The following TTF1 variants were observed in gnomAD, a reference collection of about 807,000 sequenced individuals.
TTF1 encodes transcription termination factor 1, also known as transcription termination factor, RNA polymerase I.
In TTF1, 64 loss-of-function variants were observed where a neutral mutation model predicts 80.2. The ratio of observed to expected loss-of-function variants is 0.80; its 90% CI spans 0.65 to 0.98. The LOEUF (loss-of-function observed/expected upper bound fraction) is 0.98, where lower values mean the gene tolerates loss of function less well. Among genes scored for constraint, TTF1 ranks in the 50% least tolerant of loss-of-function variants. The pLI is 0.00. For missense variants in TTF1, 1,023 were observed against 1,086.2 expected (o/e 0.94, Z 0.82); for synonymous variants, 372 against 382.7 (o/e 0.97, Z 0.33).
intron 1 of TTF1, among the ~76,000 whole-genome samples, chr9:132,403,148 C>T (rs1204434377): frequency 6.6e-6 from 1 of 152,180 alleles, no homozygotes; most frequent in Admixed American, 6.5e-5. Context: ...CGTCAGCCAC[C>T]GTGCCTGGCC....
At chr9:132,393,903 G>A (rs1849602120) in intron 5 of TTF1, among the ~76,000 whole-genome samples, 2 of 151,762 alleles carry the variant, frequency 1.3e-5, no homozygotes, top group African/African-American at 2.4e-5. Context: ...TCACTAAGAA[G>A]TCCTAAAAAA....
rs557398160 is a variant in TTF1, at chr9:132,397,629, T to C, written c.1777+512A>G. Among the ~76,000 whole-genome samples, 100 of 152,268 alleles carry C rather than the reference T, an allele frequency of 6.6e-4. No individual in the cohort carries two copies. The South Asian group carries it at 7.1e-3, about 11-fold the overall frequency. On this transcript the variant is annotated intron_variant, in intron 4 of 10. Coordinates refer to ENST00000334270, the MANE Select transcript of TTF1 (RefSeq NM_007344.4). ...AAAGGTAAAAGTTGATCATTTAATT[T>C]TTCACCCTAAACTTGGGAGACATGA...
At chr9:132,394,303 G>A (rs763020327) in intron 5 of TTF1, among the ~76,000 whole-genome samples, 23 of 149,860 alleles carry the variant, frequency 1.5e-4, no homozygotes, top group Admixed American at 7.3e-4. Context: ...TTTTTGAGGC[G>A]GAGTCTTGCT....
At chr9:132,378,681 GGT>G (rs1424875285) in intron 10 of TTF1, among the ~76,000 whole-genome samples, 9 of 145,798 alleles carry the variant, frequency 6.2e-5, no homozygotes, top group Admixed American at 5.4e-4. Flanking sequence ...GCATGCATGT[GGT>G]GTGTGTGAGT....
In TTF1 at chr9:132,402,152, T is replaced by C; in HGVS notation, c.670A>G (p.Lys224Glu). The change falls in exon 2 of 11, where the codon AAA becomes GAA. Residue 224 changes from lysine to glutamate, a missense_variant. Physicochemically the swap from Lys to Glu is moderately conservative, Grantham distance 56. Coordinates refer to ENST00000334270, the MANE Select transcript of TTF1 (RefSeq NM_007344.4). ...AHKNKSKKKK[K>E]KSSNREYETL... is the part of the protein sequence containing the mutation. ...TCATATTCCCGGTTACTGGACTTTT[T>C]CTTTTTTTTCTTAGACTTGTTTTTA... The C allele has an allele frequency of 6.2e-7, 1 of 1,614,146 alleles. No homozygotes were observed. Among genetic ancestry groups the C allele is most frequent in the Non-Finnish European group, 8.5e-7 (1 of 1,180,032 alleles).
chr9:132,390,854 T>G (rs1849548179), intron 6 of TTF1, 23 bp from the exon 7 acceptor site: 1 of 1,594,826 alleles, frequency 6.3e-7, no homozygotes, highest in African/African-American at 1.4e-5. Flanking sequence ...AAAGATGGTC[T>G]TATAGTAGCT....
rs144307614 is a variant in TTF1, at chr9:132,395,308, T to C, written c.1856+1125A>G. Among the ~76,000 whole-genome samples, 76 of 152,304 alleles carry C rather than the reference T, an allele frequency of 5.0e-4. 1 individual carries two copies. Among genetic ancestry groups the C allele is most frequent in the African/African-American group, 1.8e-3 (76 of 41,566 alleles). On this transcript the variant is annotated intron_variant, in intron 5 of 10. Transcript: ENST00000334270. The stretch of plus-strand genomic sequence containing the variant: ...AGTCAGGAATTGCTTGCTATAAAAA[T>C]ATTCTAAGGGTAAATGATCACCACA...
At position 132,401,525 on chromosome 9, in the gene TTF1, C is replaced by T. The variant is rs368676746; in HGVS notation, c.1297G>A (p.Val433Met). 1.5e-5 allele frequency: 25 copies of T among 1,614,044 alleles called. 1 individual carries two copies. Among genetic ancestry groups the T allele is most frequent in the South Asian group, 6.6e-5 (6 of 91,080 alleles). Residue 433 changes from valine to methionine, a missense_variant, in exon 2 of 11, where the codon GTG (valine) becomes ATG (methionine). Coordinates refer to ENST00000334270, the MANE Select transcript of TTF1 (RefSeq NM_007344.4). ...TTCTTTTGTCGGGGCCTAGATTTCA[C>T]ACCTTCTTCCATCATGGCGCCATCA... ...EGDGAMMEEG[V>M]KSRPRQKKTQ...
At chr9:132,378,636 G>A (rs539271667) in intron 10 of TTF1, among the ~76,000 whole-genome samples, 15 of 139,142 alleles carry the variant, frequency 1.1e-4, no homozygotes, top group African/African-American at 3.7e-4. Context: ...TGGTTGGTGT[G>A]AGTGCATGTG....
At position 132,396,453 on chromosome 9, in the gene TTF1, A is replaced by G. The variant is rs1411618312; in HGVS notation, c.1836T>C (p.Asp612=). 1.9e-6 allele frequency: 3 copies of G among 1,614,246 alleles called. No homozygotes were observed. The highest frequency in any genetic ancestry group is 2.2e-5 in the South Asian group (2 of 91,084). ...CTTACCTGCCTTTGTAATTGTTGAC[A>G]TCGAACATCTTCTTTGCTCGATAGT... ...LIYYRAKKMF[D]VNNYKGRYSE... Residue 612 remains aspartate, a synonymous_variant, in exon 5 of 11, where the codon GAT becomes GAC. Transcript: ENST00000334270.
intron 9 of TTF1, among the ~76,000 whole-genome samples, chr9:132,381,584 C>T (rs569197551): frequency 1.3e-5 from 2 of 152,138 alleles, no homozygotes; most frequent in East Asian, 1.9e-4. Flanking sequence ...TGCACATCAG[C>T]GTCACCTCCT....
chr9:132,400,295 A>G (rs367640170), intron 2 of TTF1, 37 bp from the exon 3 acceptor site: 58 of 1,534,506 alleles, frequency 3.8e-5, no homozygotes, highest in Non-Finnish European at 5.0e-5. Flanking sequence ...TAACATTAAC[A>G]CATCACTTGA....
chr9:132,377,909 TG>T (rs955117695), intron 10 of TTF1, among the ~76,000 whole-genome samples: 2 of 124,166 alleles, frequency 1.6e-5, no homozygotes, highest in East Asian at 5.3e-4. Flanking sequence ...TGTGAGTGCA[TG>T]TGTGTGTGAG....
chr9:132,377,678 GAA>G (rs2131616261), intron 10 of TTF1, among the ~76,000 whole-genome samples: 2 of 129,484 alleles, frequency 1.5e-5, no homozygotes, highest in African/African-American at 3.0e-5. Flanking sequence ...TGTGGTGTGT[GAA>G]TGCATGTGGT....
chr9:132,398,227 T>A lies in TTF1; in HGVS notation c.1691A>T (p.Asp564Val). 4 of 1,606,896 alleles carry A rather than the reference T, an allele frequency of 2.5e-6. No individual in the cohort carries two copies. The highest frequency in any genetic ancestry group is 3.4e-6 in the Non-Finnish European group (4 of 1,177,974). Reference protein sequence around the residue: ...FLALTGIESADKLLYTDRYPE... With the variant: ...FLALTGIESAVKLLYTDRYPE... ...ATATCTGTCCGTGTACAGCAGCTTG[T>A]CTGCACTCTCAATGCCTGTCAGGGC... The change falls in exon 4 of 11, where the codon GAC (aspartate) becomes GTC (valine). Residue 564 changes from aspartate (D) to valine (V), a missense_variant. Transcript: ENST00000334270.
intron 7 of TTF1, 89 bp downstream of exon 7, chr9:132,390,508 T>C: frequency 7.7e-7 from 1 of 1,296,898 alleles, no homozygotes; most frequent in East Asian, 2.3e-5. Flanking sequence ...ACACGTCAGC[T>C]TCCCCACGGC....
chr9:132,400,479 C>T (rs557509020), intron 2 of TTF1, among the ~76,000 whole-genome samples: 12 of 152,128 alleles, frequency 7.9e-5, no homozygotes, highest in African/African-American at 2.4e-4. Context: ...CGCGCCACCA[C>T]GCCCGGCTAA....
At chr9:132,403,687 A>G (rs1163646004) in intron 1 of TTF1, among the ~76,000 whole-genome samples, 1 of 152,154 alleles carries the variant, frequency 6.6e-6, no homozygotes, top group Non-Finnish European at 1.5e-5. Context: ...AAAGACAAAG[A>G]AAAAAGAAAA....
At chr9:132,404,326 T>TA (rs1472018947) in intron 1 of TTF1, among the ~76,000 whole-genome samples, 1 of 152,164 alleles carries the variant, frequency 6.6e-6, no homozygotes, top group Non-Finnish European at 1.5e-5. Context: ...ATATCAGCTG[T>TA]ATTAGACAAG....
Sources: allele counts gnomAD v4.1 joint callset (sites outside exome capture counted in the v4.1 genomes callset), GRCh38; gene constraint gnomAD v4.1.1; transcripts MANE v1.5; gene names NCBI Gene and HGNC (gene_info 2026-07-23, HGNC 2026-07-21).